Variants in TMEM19 observed in about 807,000 individuals in gnomAD.
TMEM19 encodes transmembrane protein 19.
A neutral mutation model predicts 33.6 loss-of-function variants in TMEM19; 21 were observed. The ratio of observed to expected loss-of-function variants is 0.62; its 90% confidence interval spans 0.44 to 0.90. The LOEUF (loss-of-function observed/expected upper bound fraction) is 0.90. Among genes scored for constraint, TMEM19 ranks in the 40% least tolerant of loss-of-function variants. The pLI is 0.00. For synonymous variants in TMEM19, 149 were observed against 147.5 expected (o/e 1.01, Z -0.07); for missense variants, 402 against 401.8 (o/e 1.00, Z 0.00).
intron 2 of TMEM19, among the ~76,000 whole-genome samples, 173 bp from the exon 3 acceptor site, chr12:71,696,263 C>T (rs1032238161): frequency 6.6e-6 from 1 of 152,030 alleles, no homozygotes; most frequent in African/African-American, 2.4e-5. Context: ...AAAATGTGTA[C>T]TCAAAATGGC....
At chr12:71,689,752 A>T (rs771421192) in intron 2 of TMEM19, 48 bp downstream of exon 2, 3 of 1,272,440 alleles carry the variant, frequency 2.4e-6, no homozygotes, top group Non-Finnish European at 3.3e-6. Context: ...GTGCTTGCTT[A>T]TATAATTTAA....
At chr12:71,698,483 C>T (rs1357893215) in intron 4 of TMEM19, among the ~76,000 whole-genome samples, 1 of 152,136 alleles carries the variant, frequency 6.6e-6, no homozygotes, top group South Asian at 2.1e-4. Flanking sequence ...TCATGCCTGT[C>T]ATCCCAACTA....
chr12:71,694,208 G>A (rs1304089667), intron 2 of TMEM19, among the ~76,000 whole-genome samples: 1 of 152,174 alleles, frequency 6.6e-6, no homozygotes, highest in African/African-American at 2.4e-5. Flanking sequence ...CTGAAGTGGA[G>A]GGCTCTGGTC....
rs1167112028 is a variant in TMEM19, at chr12:71,690,637, T to C, written c.244+933T>C. Among the ~76,000 whole-genome samples the C allele has an allele frequency of 1.9e-4, 29 of 152,050 alleles. 2 individuals are homozygous for C. The highest frequency in any genetic ancestry group is 1.9e-3 in the Admixed American group (29 of 15,282). On this transcript the variant is annotated intron_variant, in intron 2 of 5. Coordinates refer to ENST00000266673, the MANE Select transcript of TMEM19 (RefSeq NM_018279.4). ...GTAATGATGAAGTTTATGAGAAAAA[T>C]GAAAAGATAATTGTAAAGTGTGTAT...
At chr12:71,686,872 C>T (rs1881699930) in intron 1 of TMEM19, 62 bp downstream of exon 1, 1 of 1,512,168 alleles carries the variant, frequency 6.6e-7, no homozygotes. Context: ...AAAACCATAC[C>T]ATTGTGAAAT....
At position 71,691,649 on chromosome 12, in the gene TMEM19, G is replaced by A. The variant is rs552199206; in HGVS notation, c.244+1945G>A. Among the ~76,000 whole-genome samples, 183 of 145,974 alleles carry A rather than the reference G, an allele frequency of 1.3e-3. 1 individual carries two copies. The highest frequency in any genetic ancestry group is 1.5e-3 in the Non-Finnish European group (101 of 66,938). On this transcript the variant is annotated intron_variant, in intron 2 of 5. Transcript: ENST00000266673. ...AAAAAAAAAAAAAAATTAGCCTGGCGTGGTAGTGCACACCTGTAGTCCCAA... is the reference window on the plus strand; with the variant it reads ...AAAAAAAAAAAAAAATTAGCCTGGCATGGTAGTGCACACCTGTAGTCCCAA...
At chr12:71,699,323 A>G in intron 5 of TMEM19, 1 of 612,338 alleles carries the variant, frequency 1.6e-6, no homozygotes, top group Non-Finnish European at 2.9e-6. Context: ...AATGATTAGA[A>G]GCCATGTGGG....
At chr12:71,690,871 C>T (rs1297210805) in intron 2 of TMEM19, among the ~76,000 whole-genome samples, 4 of 152,030 alleles carry the variant, frequency 2.6e-5, no homozygotes, top group Admixed American at 2.6e-4. Flanking sequence ...AAAATAGTAA[C>T]GATAGGAAAA....
At position 71,700,838 on chromosome 12, in the gene TMEM19, A is replaced by G. The variant is rs370300343; in HGVS notation, c.854A>G (p.Asp285Gly). The change falls in exon 6 of 6, where the codon GAT becomes GGT. Residue 285 changes from aspartate to glycine, a missense_variant. Physicochemically the swap from Asp to Gly is moderately conservative, Grantham distance 94 (BLOSUM62 -1). Transcript: ENST00000266673. Reference protein sequence around the residue: ...LGATMQYTGLDESTGMVVNSP... With the variant: ...LGATMQYTGLGESTGMVVNSP... The stretch of plus-strand genomic sequence containing the variant: ...GCTTCTTTTTCCATTCCAGGGTTGG[A>G]TGAAAGCACTGGCATGGTGGTCAAC... 1 of 1,591,416 alleles carries G rather than the reference A, an allele frequency of 6.3e-7. No individual in the cohort carries two copies. Among genetic ancestry groups the G allele is most frequent in the Non-Finnish European group, 8.6e-7 (1 of 1,169,216 alleles).
At chr12:71,690,175 C>G (rs74908004) in intron 2 of TMEM19, among the ~76,000 whole-genome samples, 1 of 151,594 alleles carries the variant, frequency 6.6e-6, no homozygotes, top group Non-Finnish European at 1.5e-5. Flanking sequence ...TTTTTTTTCC[C>G]GAGACAGTCT....
intron 4 of TMEM19, among the ~76,000 whole-genome samples, chr12:71,698,658 A>T (rs1198005545): frequency 7.0e-6 from 1 of 142,808 alleles, no homozygotes; most frequent in Admixed American, 7.1e-5. Context: ...AGAGAGAGAG[A>T]GAAGCAGAAC....
At chr12:71,687,662 T>A (rs757424267) in intron 1 of TMEM19, among the ~76,000 whole-genome samples, 2 of 152,196 alleles carry the variant, frequency 1.3e-5, no homozygotes, top group African/African-American at 4.8e-5. Flanking sequence ...GAAGGACTTA[T>A]CTGCCATTTG....
chr12:71,701,027 T>C lies in TMEM19; in HGVS notation c.*32T>C. On this transcript the variant is annotated 3_prime_UTR_variant, in exon 6 of 6. Coordinates refer to ENST00000266673, the MANE Select transcript of TMEM19 (RefSeq NM_018279.4). ...TTTCATTTCCACAGGTTGAAACTGG[T>C]GAGTCCAGCTAAATTTGCAATTCCA... 6.4e-7 allele frequency: 1 copy of C among 1,559,588 alleles called. No individual in the cohort carries two copies. The highest frequency in any genetic ancestry group is 8.7e-7 in the Non-Finnish European group (1 of 1,152,352).
Position 71,689,710 on chromosome 12 carries a change from T to C in TMEM19, c.244+6T>C. 2 of 1,595,516 alleles carry C rather than the reference T, an allele frequency of 1.3e-6. No individual in the cohort carries two copies. The highest frequency in any genetic ancestry group is 1.7e-6 in the Non-Finnish European group (2 of 1,165,786). On this transcript the variant is annotated splice_donor_region_variant and intron_variant, in intron 2 of 5. Transcript: ENST00000266673. Reference sequence around the variant, plus strand: ...TCACAGTGGGGCTCTAGGAGGTATGTTTTTATTTTGAATGTTTACAGTAAC... The same window carrying C: ...TCACAGTGGGGCTCTAGGAGGTATGCTTTTATTTTGAATGTTTACAGTAAC...
intron 4 of TMEM19, among the ~76,000 whole-genome samples, chr12:71,698,609 G>GA (rs1359857967): frequency 0.026 from 68 of 2,636 alleles, 2 homozygotes; most frequent in South Asian, 0.26. Context: ...TCTCTGAAAA[G>GA]AGAGAGAGAG....
At position 71,686,828 on chromosome 12, in the gene TMEM19, A is replaced by C. The variant is rs376504190; in HGVS notation, c.130+18A>C. ...CTATTATGGTAAGTCTGAGTGTTCT[A>C]AGTTGTTTCTCTGTAATCTAGTCAG... On this transcript the variant is annotated intron_variant, in intron 1 of 5. Transcript: ENST00000266673. The C allele has an allele frequency of 2.5e-6, 4 of 1,585,660 alleles. No homozygotes were observed. In the African/African-American group the frequency reaches 4.1e-5, roughly 16 times the overall value.
chr12:71,701,148 A>C lies in TMEM19; in HGVS notation c.*153A>C. 1 of 701,066 alleles carries C rather than the reference A, an allele frequency of 1.4e-6. No individual in the cohort carries two copies. The highest frequency in any genetic ancestry group is 2.2e-6 in the Non-Finnish European group (1 of 450,860). 43.4% of individuals were successfully genotyped at this position (701,066 alleles called of 1,614,324 possible). ...TGGGATTTCACATTTTCCTCTCATCAACTCCCCTGTAATAGCTAGCGTCTT... is the reference window on the plus strand; with the variant it reads ...TGGGATTTCACATTTTCCTCTCATCCACTCCCCTGTAATAGCTAGCGTCTT... On this transcript the variant is annotated 3_prime_UTR_variant, in exon 6 of 6. Transcript: ENST00000266673.
intron 3 of TMEM19, 92 bp downstream of exon 3, chr12:71,696,665 G>A: frequency 2.0e-6 from 2 of 1,024,100 alleles, no homozygotes; most frequent in Non-Finnish European, 2.6e-6. Flanking sequence ...TTTTTTTTTT[G>A]AGACGGAGTC....
At chr12:71,688,587 C>A (rs1881731602) in intron 1 of TMEM19, among the ~76,000 whole-genome samples, 1 of 152,066 alleles carries the variant, frequency 6.6e-6, no homozygotes, top group South Asian at 2.1e-4. Context: ...TTTTCTTTAC[C>A]ATAAGGAAAT....
Sources: gnomAD v4.1 joint callset for allele counts (sites outside exome capture counted in the v4.1 genomes callset) on GRCh38, gnomAD v4.1.1 for gene constraint, MANE v1.5 for transcripts, NCBI Gene and HGNC (gene_info 2026-07-23, HGNC 2026-07-21) for gene names.